ZMAT4: variants seen among roughly 807,000 people sequenced by gnomAD.
ZMAT4 encodes zinc finger matrin-type protein 4.
Under a neutral mutation model 28.7 loss-of-function variants are expected in ZMAT4, and 17 were observed. The ratio of observed to expected loss-of-function variants is 0.59; its 90% CI spans 0.41 to 0.89. The LOEUF is 0.89. Ranked by LOEUF, ZMAT4 falls within the 40% of genes least tolerant of loss-of-function variation. The pLI is 0.00. For synonymous variants in ZMAT4, 117 were observed against 109.2 expected (o/e 1.07, Z -0.44); for missense variants, 240 against 283.8 (o/e 0.85, Z 1.11).
intron 2 of ZMAT4, among the ~76,000 whole-genome samples, chr8:40,775,025 C>T (rs530551123): frequency 6.6e-6 from 1 of 152,160 alleles, no homozygotes; most frequent in African/African-American, 2.4e-5. Context: ...TCTCAAGGTC[C>T]CACAACTTAC....
intron 2 of ZMAT4, among the ~76,000 whole-genome samples, chr8:40,814,787 A>G (rs565773830): frequency 2.0e-5 from 3 of 152,234 alleles, no homozygotes; most frequent in Non-Finnish European, 2.9e-5. Context: ...GACTTTTCAC[A>G]TACTATACTT....
intron 1 of ZMAT4, among the ~76,000 whole-genome samples, chr8:40,851,202 C>T (rs939202149): frequency 5.9e-5 from 9 of 152,098 alleles, no homozygotes; most frequent in Non-Finnish European, 1.2e-4. Context: ...TGGCACATTG[C>T]CCGTAATCCC....
chr8:40,692,651 T>C (rs1809710235), intron 4 of ZMAT4, among the ~76,000 whole-genome samples: 1 of 152,184 alleles, frequency 6.6e-6, no homozygotes, highest in Non-Finnish European at 1.5e-5. Flanking sequence ...CAGACACAGA[T>C]GAATGTTCTT....
chr8:40,880,813 C>T (rs1031121474), intron 1 of ZMAT4, among the ~76,000 whole-genome samples: 2 of 152,112 alleles, frequency 1.3e-5, no homozygotes, highest in Non-Finnish European at 2.9e-5. Context: ...ATTTCTCTTT[C>T]TCTGAACTAT....
At chr8:40,558,835 G>A (rs77560022) in intron 6 of ZMAT4, among the ~76,000 whole-genome samples, 5,498 of 152,082 alleles carry the variant, frequency 0.036, 186 homozygotes, top group East Asian at 0.13. Flanking sequence ...TGCCTCATTA[G>A]GCCCACGCCC....
chr8:40,836,192 A>G (rs1296679653), intron 1 of ZMAT4, among the ~76,000 whole-genome samples: 3 of 152,228 alleles, frequency 2.0e-5, no homozygotes, highest in Admixed American at 1.3e-4. Context: ...TTCAGCCACC[A>G]TGGGAAATTA....
At chr8:40,897,461 C>A (rs777964336) in intron 1 of ZMAT4, among the ~76,000 whole-genome samples, 2 of 152,202 alleles carry the variant, frequency 1.3e-5, no homozygotes, top group East Asian at 3.8e-4. Flanking sequence ...CAGACCTGAG[C>A]GCAGCTAATT....
In ZMAT4 at chr8:40,629,248, T is replaced by C. The variant is rs1283032750; in HGVS notation, c.577+45456A>G. Among the ~76,000 whole-genome samples, 3 of 152,068 alleles carry C rather than the reference T, an allele frequency of 2.0e-5. No homozygotes were observed. The East Asian group carries it at 5.8e-4, about 29-fold the overall frequency. On this transcript the variant is annotated intron_variant, in intron 5 of 6. Coordinates refer to ENST00000297737, the MANE Select transcript of ZMAT4 (RefSeq NM_024645.3). ...TTAGTGCATCTGGATTTTTATTTCA[T>C]AAAAGATATTGTTTTATTTTGAGGT... is the stretch of plus-strand genomic sequence containing the variant.
chr8:40,631,459 G>T (rs942524056), intron 5 of ZMAT4, among the ~76,000 whole-genome samples: 1 of 152,040 alleles, frequency 6.6e-6, no homozygotes, highest in Non-Finnish European at 1.5e-5. Flanking sequence ...CACCAGGCCA[G>T]AATTATCTAC....
intron 1 of ZMAT4, among the ~76,000 whole-genome samples, chr8:40,865,237 A>C (rs574347641): frequency 1.3e-5 from 2 of 152,330 alleles, no homozygotes; most frequent in Admixed American, 1.3e-4. Context: ...AGTATCACAC[A>C]ATGTTTTGCC....
intron 5 of ZMAT4, among the ~76,000 whole-genome samples, chr8:40,582,517 CAAT>C (rs1481337653): frequency 1.3e-5 from 2 of 151,952 alleles, no homozygotes; most frequent in Admixed American, 6.6e-5. Flanking sequence ...ATATATACAA[CAAT>C]GTTTAGCAAA....
At chr8:40,866,149 C>A (rs1390280647) in intron 1 of ZMAT4, among the ~76,000 whole-genome samples, 1 of 152,212 alleles carries the variant, frequency 6.6e-6, no homozygotes, top group Non-Finnish European at 1.5e-5. Flanking sequence ...CCTTAAAGTT[C>A]TTTCACTTGA....
At chr8:40,738,066 C>T (rs1261807722) in intron 3 of ZMAT4, among the ~76,000 whole-genome samples, 1 of 151,748 alleles carries the variant, frequency 6.6e-6, no homozygotes, top group African/African-American at 2.4e-5. Context: ...CAGGAAGGGA[C>T]GGGGGATATG....
At chr8:40,801,347 A>ATATATATATATATATATATATAT (rs1174640469) in intron 2 of ZMAT4, among the ~76,000 whole-genome samples, 9 of 48,570 alleles carry the variant, frequency 1.9e-4, no homozygotes, top group African/African-American at 7.4e-4. Context: ...TCTTTAAAAA[A>ATATATATATATATATATATATAT]AAAAATATAT....
chr8:40,710,536 C>T (rs888190560), intron 3 of ZMAT4, among the ~76,000 whole-genome samples: 3 of 152,030 alleles, frequency 2.0e-5, no homozygotes, highest in Admixed American at 6.6e-5. Context: ...CAATGACAAA[C>T]TCTACAAAAT....
chr8:40,684,237 C>T (rs867499701), intron 4 of ZMAT4, among the ~76,000 whole-genome samples: 10 of 152,296 alleles, frequency 6.6e-5, no homozygotes, highest in African/African-American at 2.4e-4. Flanking sequence ...ATTTCAGAAA[C>T]TCTAAGAGTT....
intron 5 of ZMAT4, among the ~76,000 whole-genome samples, chr8:40,648,414 T>C (rs1807455950): frequency 6.7e-6 from 1 of 150,046 alleles, no homozygotes; most frequent in African/African-American, 2.5e-5. Context: ...CCAAGAAATA[T>C]GGGACTATGT....
In ZMAT4 at chr8:40,718,423, C is replaced by A. The variant is rs139719262; in HGVS notation, c.193-21022G>T. ...TCCCATCCTTGAAGATAGAAGTAAG[C>A]CAGTTTGTTCTGTGGGAAACTCCTT... On this transcript the variant is annotated intron_variant, in intron 3 of 6. Coordinates refer to ENST00000297737, the MANE Select transcript of ZMAT4 (RefSeq NM_024645.3). Among the ~76,000 whole-genome samples, 664 of 152,310 alleles carry A rather than the reference C, an allele frequency of 4.4e-3. 5 individuals are homozygous for A. Among genetic ancestry groups the A allele is most frequent in the African/African-American group, 0.015 (634 of 41,562 alleles).
At chr8:40,764,820 C>A (rs937783442) in intron 3 of ZMAT4, among the ~76,000 whole-genome samples, 1 of 151,882 alleles carries the variant, frequency 6.6e-6, no homozygotes, top group Non-Finnish European at 1.5e-5. Context: ...AAAATCTATA[C>A]CTTCGATATT....
Sources: gnomAD v4.1 joint callset for allele counts (sites outside exome capture counted in the v4.1 genomes callset) on GRCh38, gnomAD v4.1.1 for gene constraint, MANE v1.5 for transcripts, NCBI Gene and HGNC (gene_info 2026-07-23, HGNC 2026-07-21) for gene names.